SELENBP1: variants seen among roughly 807,000 people sequenced by gnomAD.
The protein encoded by SELENBP1 is selenium binding protein 1.
A neutral mutation model predicts 61.0 loss-of-function variants in SELENBP1; 71 were observed. The ratio of observed to expected loss-of-function variants is 1.16; its 90% CI spans 0.96 to 1.42. SELENBP1 has a LOEUF of 1.42. Ranked by LOEUF, SELENBP1 falls within the 40% of genes most tolerant of loss-of-function variation. SELENBP1 has a pLI of 0.00. For synonymous variants in SELENBP1, 270 were observed against 238.9 expected (o/e 1.13, Z -1.20); for missense variants, 561 against 605.0 (o/e 0.93, Z 0.76).
chr1:151,366,731 C>A lies in SELENBP1; in HGVS notation c.655G>T (p.Val219Leu). 2 of 1,613,916 alleles carry A rather than the reference C, an allele frequency of 1.2e-6. No homozygotes were observed. Among genetic ancestry groups the A allele is most frequent in the Non-Finnish European group, 1.7e-6 (2 of 1,179,858 alleles). The change falls in exon 6 of 12, where the codon GTG (valine) becomes TTG (leucine). Residue 219 changes from valine to leucine, a missense_variant. Physicochemically the swap from Val to Leu is conservative, Grantham distance 32. Transcript: ENST00000368868. ...VLRDGFNPAD[V>L]EAGLYGSHLY... ...ATGGGGGGATTCTCACCAGCCTCCACATCAGCGGGGTTGAAGCCATCTCGT... is the reference window on the plus strand; with the variant it reads ...ATGGGGGGATTCTCACCAGCCTCCAAATCAGCGGGGTTGAAGCCATCTCGT...
chr1:151,370,000 A>C, intron 1 of SELENBP1: 1 of 1,451,366 alleles, frequency 6.9e-7, no homozygotes, highest in Non-Finnish European at 9.1e-7. Context: ...CAGACAGTCC[A>C]GCAGGGCCCC....
In SELENBP1 at chr1:151,364,651, C is replaced by A. The variant is rs552697768; in HGVS notation, c.1311G>T (p.Lys437Asn). 3.7e-6 allele frequency: 6 copies of A among 1,612,132 alleles called. No homozygotes were observed. Among genetic ancestry groups the A allele is most frequent in the Non-Finnish European group, 5.1e-6 (6 of 1,179,018 alleles). Residue 437 changes from lysine to asparagine, a missense_variant, in exon 12 of 12, where the codon AAG (lysine) becomes AAT (asparagine). Coordinates refer to ENST00000368868, the MANE Select transcript of SELENBP1 (RefSeq NM_003944.4). Reference sequence around the variant, plus strand: ...AGTCCACCAGGAAGTTGGGGTTCAACTTCAGCCCTCCTTTTACTGTGTCTA... The same window carrying A: ...AGTCCACCAGGAAGTTGGGGTTCAAATTCAGCCCTCCTTTTACTGTGTCTA... ...VDVDTVKGGL[K>N]LNPNFLVDFG...
At chr1:151,371,847 A>G (rs1215018948) in intron 1 of SELENBP1, among the ~76,000 whole-genome samples, 1 of 151,804 alleles carries the variant, frequency 6.6e-6, no homozygotes, top group Non-Finnish European at 1.5e-5. Context: ...AGGGAGCATC[A>G]TTCCTCTTTC....
intron 2 of SELENBP1, 52 bp downstream of exon 2, chr1:151,369,661 C>T (rs372525419): frequency 1.9e-4 from 291 of 1,545,740 alleles, no homozygotes; most frequent in Non-Finnish European, 2.4e-4. Context: ...CCCTCCACCC[C>T]CAGCTGTGGA....
rs371540133 is a variant in SELENBP1, at chr1:151,369,137, C to T, written c.227G>A (p.Gly76Glu). The T allele has an allele frequency of 6.8e-6, 11 of 1,613,906 alleles. No individual in the cohort carries two copies. In the African/African-American group the frequency reaches 1.5e-4, roughly 22 times the overall value. The change falls in exon 4 of 12, where the codon GGA becomes GAA. Residue 76 changes from glycine (G) to glutamate (E), a missense_variant. Transcript: ENST00000368868. ...PNLKDELHHS[G>E]WNTCSSCFGD... ...GAAGCAGCTGCTGCAGGTGTTCCAT[C>T]CTGAGTGATGCAGCTCGTCCTTCAG...
chr1:151,369,346 A>G (rs1394798187), intron 3 of SELENBP1, 96 bp downstream of exon 3: 8 of 1,410,400 alleles, frequency 5.7e-6, no homozygotes, highest in Non-Finnish European at 7.8e-6. Context: ...ATCCCCAGGG[A>G]GGGCCAAGAA....
chr1:151,365,870 G>A (rs1208499193), intron 7 of SELENBP1, 24 bp from the exon 8 acceptor site: 1 of 1,612,760 alleles, frequency 6.2e-7, no homozygotes, highest in Non-Finnish European at 8.5e-7. Context: ...TGGAGGGTGA[G>A]GTTAGCTGGC....
intron 11 of SELENBP1, 95 bp from the exon 12 acceptor site, chr1:151,364,800 AC>A: frequency 6.6e-7 from 1 of 1,509,716 alleles, no homozygotes; most frequent in African/African-American, 1.4e-5. Context: ...AGGAGGAATG[AC>A]CAGGGTCTCA....
chr1:151,366,845 C>G lies in SELENBP1; in HGVS notation c.541G>C (p.Gly181Arg). 1 of 1,614,162 alleles carries G rather than the reference C, an allele frequency of 6.2e-7. No individual in the cohort carries two copies. The highest frequency in any genetic ancestry group is 1.1e-5 in the South Asian group (1 of 91,082). The change falls in exon 6 of 12, where the codon GGG (glycine) becomes CGG (arginine). Residue 181 changes from glycine (G) to arginine (R), a missense_variant. Transcript: ENST00000368868. The stretch of plus-strand genomic sequence containing the variant: ...TCATAGCCCAACGGTGCAGCACCCC[C>G]AGGTCTCTCCCATGTCCCCTTCACC... ...FEVKGTWERPGGAAPLGYDFW... is the reference protein window; with the variant it reads ...FEVKGTWERPRGAAPLGYDFW...
Position 151,369,089 on chromosome 1 carries a change from G to A in SELENBP1, c.275C>T (p.Thr92Ile). 1 of 1,614,066 alleles carries A rather than the reference G, an allele frequency of 6.2e-7. No homozygotes were observed. The highest frequency in any genetic ancestry group is 1.3e-5 in the African/African-American group (1 of 75,054). ...SCFGDSTKSR[T>I]KLVLPSLISS... The stretch of plus-strand genomic sequence containing the variant: ...GATGAGACTGGGCAGCACCAGCTTG[G>A]TGCGCGACTTGGTGCTATCACCGAA... The change falls in exon 4 of 12, where the codon ACC (threonine) becomes ATC (isoleucine). Residue 92 changes from threonine (T) to isoleucine (I), a missense_variant. By Grantham distance (89) the Thr-to-Ile change is moderately conservative. Coordinates refer to ENST00000368868, the MANE Select transcript of SELENBP1 (RefSeq NM_003944.4).
chr1:151,365,111 A>T, intron 10 of SELENBP1, 67 bp from the exon 11 acceptor site: 1 of 1,583,304 alleles, frequency 6.3e-7, no homozygotes, highest in Non-Finnish European at 8.6e-7. Flanking sequence ...CAACCCCAAG[A>T]GTATGCTCAG....
intron 3 of SELENBP1, 35 bp from the exon 4 acceptor site, chr1:151,369,224 C>A: frequency 6.3e-7 from 1 of 1,593,810 alleles, no homozygotes; most frequent in South Asian, 1.1e-5. Context: ...TCCCCCAGGC[C>A]ACGCCTCTGT....
chr1:151,368,266 G>A lies in SELENBP1; in HGVS notation c.414C>T (p.Thr138=). 6.2e-7 allele frequency: 1 copy of A among 1,614,192 alleles called. No individual in the cohort carries two copies. ...HAKCELAFLH[T]SHCLASGEVM... The stretch of plus-strand genomic sequence containing the variant: ...CTTCCCCGCTGGCCAGGCAGTGGCT[G>A]GTGTGGAGAAAGGCCAGTTCGCACT... The change falls in exon 5 of 12, where the codon ACC becomes ACT. Residue 138 remains threonine, a synonymous_variant. Coordinates refer to ENST00000368868, the MANE Select transcript of SELENBP1 (RefSeq NM_003944.4).
At chr1:151,369,655 C>T (rs1652046478) in intron 2 of SELENBP1, 58 bp downstream of exon 2, 1 of 1,544,514 alleles carries the variant, frequency 6.5e-7, no homozygotes. Flanking sequence ...TGAAGTCCCT[C>T]CACCCCCAGC....
chr1:151,369,151 C>G lies in SELENBP1; in HGVS notation c.213G>C (p.Glu71Asp). 2.5e-6 allele frequency: 4 copies of G among 1,613,340 alleles called. No individual in the cohort carries two copies. The highest frequency in any genetic ancestry group is 3.4e-6 in the Non-Finnish European group (4 of 1,179,418). The change falls in exon 4 of 12, where the codon GAG becomes GAC. Residue 71 changes from glutamate to aspartate, a missense_variant. Transcript: ENST00000368868. Reference sequence around the variant, plus strand: ...AGGTGTTCCATCCTGAGTGATGCAGCTCGTCCTTCAGGTTGGGCATGGGCA... The same window carrying G: ...AGGTGTTCCATCCTGAGTGATGCAGGTCGTCCTTCAGGTTGGGCATGGGCA... ...HRLPMPNLKD[E>D]LHHSGWNTCS...
At position 151,365,681 on chromosome 1, in the gene SELENBP1, A is replaced by G; in HGVS notation, c.926T>C (p.Leu309Pro). ...KGWLLPEMPG[L>P]ITDILLSLDD... is the part of the protein sequence containing the mutation. ...CAGGGAGAGCAGGATGTCGGTGATC[A>G]GGCCTGTGGGCAGGGGGCGAGTAGA... is the stretch of plus-strand genomic sequence containing the variant. The change falls in exon 9 of 12, where the codon CTG (leucine) becomes CCG (proline). Residue 309 changes from leucine (L) to proline (P), a missense_variant. By Grantham distance (98) the Leu-to-Pro change is moderately conservative. Transcript: ENST00000368868. 6.2e-7 allele frequency: 1 copy of G among 1,614,212 alleles called. No individual in the cohort carries two copies. The highest frequency in any genetic ancestry group is 1.1e-5 in the South Asian group (1 of 91,080).
Position 151,372,703 on chromosome 1 carries a change from TC to T in SELENBP1, c.-63del, listed in dbSNP as rs1652198749. 6.2e-7 allele frequency: 1 copy of T among 1,613,460 alleles called. No individual in the cohort carries two copies. The highest frequency in any genetic ancestry group is 8.5e-7 in the Non-Finnish European group (1 of 1,179,632). ...CTGTGCTGGTGTCAGAGGCCGCTGT[TC>T]CGGGGAAGGAGCGAAGGGAGGGAAT... On this transcript the variant is annotated 5_prime_UTR_variant, in exon 1 of 12. Coordinates refer to ENST00000368868, the MANE Select transcript of SELENBP1 (RefSeq NM_003944.4).
Position 151,369,513 on chromosome 1 carries a change from T to C in SELENBP1, c.103A>G (p.Asn35Asp), listed in dbSNP as rs960551383. ...TAATCTGGGGCCTCAGTGCCTGTGT[T>C]TCGGTAAATGCAGGGCAGGTAGACG... ...EIVYLPCIYRNTGTEAPDYLA... is the reference protein window; with the variant it reads ...EIVYLPCIYRDTGTEAPDYLA... The change falls in exon 3 of 12, where the codon AAC becomes GAC. Residue 35 changes from asparagine (N) to aspartate (D), a missense_variant. Coordinates refer to ENST00000368868, the MANE Select transcript of SELENBP1 (RefSeq NM_003944.4). 1 of 1,611,978 alleles carries C rather than the reference T, an allele frequency of 6.2e-7. No homozygotes were observed. Among genetic ancestry groups the C allele is most frequent in the Non-Finnish European group, 8.5e-7 (1 of 1,179,258 alleles).
chr1:151,364,673 T>A lies in SELENBP1; in HGVS notation c.1289A>T (p.Asp430Val). 6.2e-7 allele frequency: 1 copy of A among 1,605,600 alleles called. No homozygotes were observed. The highest frequency in any genetic ancestry group is 8.5e-7 in the Non-Finnish European group (1 of 1,175,178). ...EGSVMLQVDVDTVKGGLKLNP... is the reference protein window; with the variant it reads ...EGSVMLQVDVVTVKGGLKLNP... ...CAACTTCAGCCCTCCTTTTACTGTGTCTACATCAACCTGCAGCATCACAGA... is the reference window on the plus strand; with the variant it reads ...CAACTTCAGCCCTCCTTTTACTGTGACTACATCAACCTGCAGCATCACAGA... Residue 430 changes from aspartate (D) to valine (V), a missense_variant, in exon 12 of 12, where the codon GAC (aspartate) becomes GTC (valine). By Grantham distance (152) the Asp-to-Val change is radical (BLOSUM62 -3). Transcript: ENST00000368868.
Sources: allele counts gnomAD v4.1 joint callset (sites outside exome capture counted in the v4.1 genomes callset), GRCh38; gene constraint gnomAD v4.1.1; transcripts MANE v1.5; gene names NCBI Gene and HGNC (gene_info 2026-07-23, HGNC 2026-07-21).